Variants in GLIS1 observed in about 807,000 individuals in gnomAD.
The protein encoded by GLIS1 is zinc finger protein GLIS1.
A neutral mutation model predicts 63.8 loss-of-function variants in GLIS1; 24 were observed. The observed-to-expected ratio is 0.38, with a 90% CI of 0.27 to 0.53. GLIS1 has a LOEUF of 0.53. Ranked by LOEUF, GLIS1 falls within the 20% of genes least tolerant of loss-of-function variation. GLIS1 has a pLI of 0.85. For missense variants in GLIS1, 1,036 were observed against 1,074.1 expected (o/e 0.96, Z 0.50); for synonymous variants, 450 against 482.5 (o/e 0.93, Z 0.88).
intron 2 of GLIS1, among the ~76,000 whole-genome samples, chr1:53,625,284 G>A (rs1376284681): frequency 6.6e-6 from 1 of 152,216 alleles, no homozygotes; most frequent in Non-Finnish European, 1.5e-5. Flanking sequence ...AAAAGTGCAA[G>A]GCCAGCATCT....
intron 2 of GLIS1, among the ~76,000 whole-genome samples, chr1:53,600,986 C>G (rs1166322281): frequency 6.6e-6 from 1 of 152,192 alleles, no homozygotes; most frequent in Non-Finnish European, 1.5e-5. Context: ...TAACAAGAGT[C>G]AGGCGTGCTT....
In GLIS1 at chr1:53,530,040, C is replaced by T. The variant is rs1644513615; in HGVS notation, c.1321-88G>A. On this transcript the variant is annotated intron_variant, in intron 4 of 10. Coordinates refer to ENST00000628545, the MANE Select transcript of GLIS1 (RefSeq NM_001367484.1). ...CTAACCCCCCAGGCCTGCCTGGCCCCAGCACCCCTGCCCCTCCCATCCTGC... is the reference window on the plus strand; with the variant it reads ...CTAACCCCCCAGGCCTGCCTGGCCCTAGCACCCCTGCCCCTCCCATCCTGC... The T allele has an allele frequency of 8.7e-6, 11 of 1,263,020 alleles. No individual in the cohort carries two copies. In the East Asian group the frequency reaches 2.5e-4, roughly 29 times the overall value. The allele number at this position is 1,263,020 out of a possible 1,614,324, so 78.2% of individuals were successfully genotyped here.
At chr1:53,605,589 A>G (rs1645361904) in intron 2 of GLIS1, among the ~76,000 whole-genome samples, 3 of 152,216 alleles carry the variant, frequency 2.0e-5, no homozygotes, top group South Asian at 2.1e-4. Flanking sequence ...TGCCACACAG[A>G]TGCTTTCGGT....
At chr1:53,611,757 C>T (rs1195073043) in intron 2 of GLIS1, among the ~76,000 whole-genome samples, 1 of 152,144 alleles carries the variant, frequency 6.6e-6, no homozygotes, top group African/African-American at 2.4e-5. Flanking sequence ...CTTTGCTGAC[C>T]CTGAACTTCA....
chr1:53,564,397 T>C (rs1039126476), intron 4 of GLIS1, among the ~76,000 whole-genome samples: 5 of 152,006 alleles, frequency 3.3e-5, no homozygotes, highest in African/African-American at 1.2e-4. Context: ...ACAACAAAAC[T>C]AAGCCAAAAC....
intron 2 of GLIS1, among the ~76,000 whole-genome samples, chr1:53,625,093 G>C (rs751340206): frequency 3.3e-5 from 5 of 152,220 alleles, no homozygotes; most frequent in Non-Finnish European, 7.3e-5. Context: ...ACAAATGCAA[G>C]TCCAGCTTCT....
chr1:53,709,136 A>G (rs1646612221), intron 2 of GLIS1, among the ~76,000 whole-genome samples: 1 of 152,072 alleles, frequency 6.6e-6, no homozygotes, highest in African/African-American at 2.4e-5. Flanking sequence ...AATAAATGAG[A>G]GTAGGATCCC....
intron 2 of GLIS1, among the ~76,000 whole-genome samples, chr1:53,634,846 T>C (rs889573765): frequency 2.0e-5 from 3 of 152,130 alleles, no homozygotes; most frequent in Admixed American, 1.3e-4. Context: ...ACGCTTCCCC[T>C]TGACAACACT....
intron 2 of GLIS1, among the ~76,000 whole-genome samples, chr1:53,644,532 G>A (rs530481042): frequency 9.2e-4 from 140 of 152,136 alleles, no homozygotes; most frequent in Non-Finnish European, 1.8e-3. Flanking sequence ...TCAAACATAC[G>A]GCCTATTAGA....
chr1:53,632,055 G>C (rs951181726), intron 2 of GLIS1, among the ~76,000 whole-genome samples: 3 of 151,726 alleles, frequency 2.0e-5, no homozygotes, highest in African/African-American at 7.3e-5. Context: ...GTGTGTGAAT[G>C]AGTGTGCGGG....
At chr1:53,679,339 T>A (rs968257032) in intron 2 of GLIS1, among the ~76,000 whole-genome samples, 1 of 152,170 alleles carries the variant, frequency 6.6e-6, no homozygotes, top group Non-Finnish European at 1.5e-5. Context: ...TCAAGAAGAT[T>A]GTATTGTTGA....
chr1:53,518,395 C>G (rs145516982), intron 7 of GLIS1, among the ~76,000 whole-genome samples: 1 of 152,310 alleles, frequency 6.6e-6, no homozygotes, highest in Non-Finnish European at 1.5e-5. Context: ...CAGTGATGTC[C>G]ACGCACAGTC....
intron 4 of GLIS1, among the ~76,000 whole-genome samples, chr1:53,587,725 T>TC (rs1199594085): frequency 6.6e-6 from 1 of 152,190 alleles, no homozygotes; most frequent in Non-Finnish European, 1.5e-5. Flanking sequence ...TCCATTTACT[T>TC]CCCCACTCGA....
At chr1:53,528,967 T>C (rs1251022775) in intron 5 of GLIS1, among the ~76,000 whole-genome samples, 1 of 152,094 alleles carries the variant, frequency 6.6e-6, no homozygotes, top group Non-Finnish European at 1.5e-5. Flanking sequence ...TGTAAGGCCC[T>C]GGTCTGAGTC....
intron 2 of GLIS1, among the ~76,000 whole-genome samples, chr1:53,658,234 C>T (rs1012774952): frequency 6.6e-6 from 1 of 152,168 alleles, no homozygotes; most frequent in African/African-American, 2.4e-5. Flanking sequence ...TATTGGCTCT[C>T]TCCTATGGAC....
At chr1:53,609,690 C>T (rs2100570166) in intron 2 of GLIS1, among the ~76,000 whole-genome samples, 1 of 152,280 alleles carries the variant, frequency 6.6e-6, no homozygotes, top group Non-Finnish European at 1.5e-5. Flanking sequence ...TCTTCTATTG[C>T]AGTCTAATAT....
At chr1:53,591,647 G>A (rs938140359) in intron 4 of GLIS1, among the ~76,000 whole-genome samples, 1 of 152,170 alleles carries the variant, frequency 6.6e-6, no homozygotes, top group African/African-American at 2.4e-5. Flanking sequence ...TGTAAAATGG[G>A]GGTTCACAGT....
intron 4 of GLIS1, among the ~76,000 whole-genome samples, chr1:53,588,637 A>G (rs1645159839): frequency 6.6e-6 from 1 of 152,220 alleles, no homozygotes; most frequent in African/African-American, 2.4e-5. Context: ...TGCTGGCCTT[A>G]AAATGCTCAA....
intron 2 of GLIS1, among the ~76,000 whole-genome samples, chr1:53,614,865 C>T (rs1022287600): frequency 6.6e-6 from 1 of 151,560 alleles, no homozygotes; most frequent in East Asian, 1.9e-4. Context: ...CACCCTCTCA[C>T]ACACTCATAC....
Sources: allele counts gnomAD v4.1 joint callset (sites outside exome capture counted in the v4.1 genomes callset), GRCh38; gene constraint gnomAD v4.1.1; transcripts MANE v1.5; gene names NCBI Gene and HGNC (gene_info 2026-07-23, HGNC 2026-07-21).